The following PARD3B variants were observed in gnomAD, a reference collection of about 807,000 sequenced individuals.
PARD3B encodes partitioning defective 3 homolog B.
A neutral mutation model predicts 130.2 loss-of-function variants in PARD3B; 103 were observed. That is an observed-to-expected ratio of 0.79 (90% CI 0.67 to 0.93). PARD3B has a LOEUF of 0.93. Ranked by LOEUF, PARD3B falls within the 40% of genes least tolerant of loss-of-function variation. The pLI is 0.00. For missense variants in PARD3B, 1,609 were observed against 1,499.2 expected (o/e 1.07, Z -1.21); for synonymous variants, 583 against 553.2 (o/e 1.05, Z -0.76).
intron 15 of PARD3B, among the ~76,000 whole-genome samples, chr2:205,224,709 A>G (rs1273524544): frequency 6.6e-6 from 1 of 152,090 alleles, no homozygotes; most frequent in East Asian, 1.9e-4. Context: ...TTCATTTAAC[A>G]TAATGACCTC....
At chr2:204,934,796 A>C (rs550400216) in intron 2 of PARD3B, among the ~76,000 whole-genome samples, 5 of 152,214 alleles carry the variant, frequency 3.3e-5, no homozygotes, top group African/African-American at 9.6e-5. Flanking sequence ...AGTATTTATT[A>C]GTCAGTTTGA....
chr2:205,052,474 G>T (rs911716483), intron 4 of PARD3B, among the ~76,000 whole-genome samples: 1 of 140,884 alleles, frequency 7.1e-6, no homozygotes, highest in Non-Finnish European at 1.5e-5. Context: ...TAAGCTGGCA[G>T]ATTTGGGGGT....
chr2:205,079,582 C>T (rs1457359630), intron 4 of PARD3B, among the ~76,000 whole-genome samples: 3 of 152,150 alleles, frequency 2.0e-5, no homozygotes, highest in Non-Finnish European at 4.4e-5. Flanking sequence ...TGATCACCTC[C>T]CAAAGGCCAC....
Position 204,778,618 on chromosome 2 carries a change from A to G in PARD3B, c.222+92336A>G, listed in dbSNP as rs1286316965. 3.3e-5 allele frequency among the ~76,000 whole-genome samples: 5 copies of G among 152,246 alleles called. No individual in the cohort carries two copies. The East Asian group carries it at 9.7e-4, about 29-fold the overall frequency. ...AAGTAAGTGACTTCATAAAACTAGA[A>G]CTAGCCCTGCCATATTCCCCTCTCT... On this transcript the variant is annotated intron_variant, in intron 2 of 22. Coordinates refer to ENST00000406610, the MANE Select transcript of PARD3B (RefSeq NM_001302769.2).
At chr2:205,355,420 G>T (rs1174471943) in intron 18 of PARD3B, among the ~76,000 whole-genome samples, 1 of 152,128 alleles carries the variant, frequency 6.6e-6, no homozygotes, top group Non-Finnish European at 1.5e-5. Context: ...AAGCAAAAAT[G>T]ATAAGGCCAA....
intron 1 of PARD3B, among the ~76,000 whole-genome samples, chr2:204,567,345 T>C (rs531970926): frequency 6.6e-6 from 1 of 152,296 alleles, no homozygotes; most frequent in South Asian, 2.1e-4. Flanking sequence ...AAACTGAAAC[T>C]CCATACCCAT....
chr2:204,842,567 A>T (rs1200606638), intron 2 of PARD3B, among the ~76,000 whole-genome samples: 1 of 152,184 alleles, frequency 6.6e-6, no homozygotes, highest in African/African-American at 2.4e-5. Context: ...AATTTCTTTT[A>T]AATGTGCCTA....
At chr2:204,553,659 TA>T (rs57504264) in intron 1 of PARD3B, among the ~76,000 whole-genome samples, 1 of 12,620 alleles carries the variant, frequency 7.9e-5, no homozygotes, top group Non-Finnish European at 3.1e-4. Flanking sequence ...TCCATATATA[TA>T]TATATATATA....
intron 16 of PARD3B, among the ~76,000 whole-genome samples, chr2:205,259,987 A>T (rs1316870698): frequency 6.6e-6 from 1 of 152,152 alleles, no homozygotes; most frequent in African/African-American, 2.4e-5. Context: ...ATTTGTGCAT[A>T]AAACAAAGTT....
At chr2:204,997,416 T>C (rs1318560077) in intron 3 of PARD3B, among the ~76,000 whole-genome samples, 1 of 152,214 alleles carries the variant, frequency 6.6e-6, no homozygotes. Context: ...AACTTCTTTA[T>C]TGCCCTTCAG....
intron 2 of PARD3B, among the ~76,000 whole-genome samples, chr2:204,718,392 G>A (rs553406209): frequency 4.6e-5 from 7 of 152,230 alleles, no homozygotes; most frequent in South Asian, 2.1e-4. Flanking sequence ...CAATCATGGC[G>A]GAAGGGGAAG....
chr2:204,619,882 G>C (rs1185779073), intron 1 of PARD3B, among the ~76,000 whole-genome samples: 1 of 152,158 alleles, frequency 6.6e-6, no homozygotes, highest in African/African-American at 2.4e-5. Context: ...AGCACACTGG[G>C]TACTCCGTGT....
intron 20 of PARD3B, among the ~76,000 whole-genome samples, chr2:205,465,809 T>G (rs917915602): frequency 6.6e-5 from 10 of 152,208 alleles, no homozygotes; most frequent in Non-Finnish European, 1.3e-4. Flanking sequence ...GCCAGAAGCA[T>G]CTGGAGAACA....
chr2:204,801,799 T>G (rs2042579908), intron 2 of PARD3B, among the ~76,000 whole-genome samples: 1 of 152,250 alleles, frequency 6.6e-6, no homozygotes. Context: ...TCAAAGGGAA[T>G]GCTTCCAGCC....
chr2:205,067,095 C>CTTTTTTTTTTTTTTTTTT lies in PARD3B; in HGVS notation c.504+19417_504+19434dup, dbSNP rs10672449. ...GCATCTTGCATCCACTTTTACTAGGCTTTTTTTTTTTTTTTTTTTTTTTTT... is the reference window on the plus strand; with the variant it reads ...GCATCTTGCATCCACTTTTACTAGGCTTTTTTTTTTTTTTTTTTTTTTTTTTTTTTTTTTTTTTTTTTT... On this transcript the variant is annotated intron_variant, in intron 4 of 22. Coordinates refer to ENST00000406610, the MANE Select transcript of PARD3B (RefSeq NM_001302769.2). Among the ~76,000 whole-genome samples the CTTTTTTTTTTTTTTTTTT allele has an allele frequency of 1.5e-3, 92 of 59,718 alleles. 19 individuals are homozygous for CTTTTTTTTTTTTTTTTTT. The highest frequency in any genetic ancestry group is 1.9e-3 in the Non-Finnish European group (60 of 32,130). 39.2% of individuals were successfully genotyped at this position (59,718 alleles called of 152,430 possible). A position where few individuals can be genotyped will look rare whatever the true frequency, so the allele number is the denominator to read the frequency against.
At chr2:205,171,152 G>A (rs1016043795) in intron 11 of PARD3B, among the ~76,000 whole-genome samples, 5 of 152,176 alleles carry the variant, frequency 3.3e-5, no homozygotes, top group African/African-American at 9.7e-5. Flanking sequence ...TGTTAATTCT[G>A]TTGACTTTAT....
chr2:205,386,986 A>T (rs1169887554), intron 18 of PARD3B, among the ~76,000 whole-genome samples: 1 of 152,224 alleles, frequency 6.6e-6, no homozygotes, highest in African/African-American at 2.4e-5. Context: ...GAGGTAGATA[A>T]TTAAACAATA....
At chr2:205,251,180 A>G (rs1427107530) in intron 16 of PARD3B, among the ~76,000 whole-genome samples, 1 of 152,130 alleles carries the variant, frequency 6.6e-6, no homozygotes, top group Non-Finnish European at 1.5e-5. Context: ...TAATTTATCT[A>G]CCAAACTACT....
At chr2:205,565,910 C>CA (rs78064685) in intron 22 of PARD3B, among the ~76,000 whole-genome samples, 1,946 of 63,632 alleles carry the variant, frequency 0.031, 16 homozygotes, top group Middle Eastern at 0.069. Flanking sequence ...CTGCCCATTA[C>CA]AAAAAAAAAA....
Sources: allele counts gnomAD v4.1 joint callset (sites outside exome capture counted in the v4.1 genomes callset), GRCh38; gene constraint gnomAD v4.1.1; transcripts MANE v1.5; gene names NCBI Gene and HGNC (gene_info 2026-07-23, HGNC 2026-07-21).